Variants in CGGBP1 observed in about 807,000 individuals in gnomAD.
The protein encoded by CGGBP1 is CGG triplet repeat-binding protein 1.
Under a neutral mutation model 11.4 loss-of-function variants are expected in CGGBP1, and 4 were observed. The observed-to-expected ratio is 0.35, with a 90% CI of 0.17 to 0.80. The LOEUF is 0.80. CGGBP1 is among the 30% of genes least tolerant of loss of function. The probability of loss-of-function intolerance (pLI) is 0.52; values close to 1 mark genes in which losing one functional copy is unlikely to be tolerated. For synonymous variants in CGGBP1, 76 were observed against 74.1 expected, an observed-to-expected ratio of 1.03 and a Z score of -0.13; for missense variants, 135 against 202.1, an observed-to-expected ratio of 0.67 and a Z score of 2.01.
chr3:88,052,492 GT>G lies in CGGBP1; in HGVS notation c.*2980del, dbSNP rs1190269928. The G allele has an allele frequency of 6.6e-6, 1 of 152,542 alleles. No individual in the cohort carries two copies. Among genetic ancestry groups the G allele is most frequent in the African/African-American group, 2.4e-5 (1 of 41,436 alleles). 9.4% of individuals were successfully genotyped at this position (152,542 alleles called of 1,614,324 possible). ...TGTTTTGGGCCATCTTAAGTTTTGTGTTTTCCATTAACATTCATGTGCAAAT... is the reference window on the plus strand; with the variant it reads ...TGTTTTGGGCCATCTTAAGTTTTGTGTTTCCATTAACATTCATGTGCAAAT... On this transcript the variant is annotated 3_prime_UTR_variant, in exon 4 of 4. Transcript: ENST00000482016.
At chr3:88,134,939 G>A (rs1352614439) in intron 2 of CGGBP1, 6 of 578,772 alleles carry the variant, frequency 1.0e-5, no homozygotes, top group Non-Finnish European at 1.6e-5. Context: ...GGGGGTGAAC[G>A]TAATACATAT....
intron 2 of CGGBP1, among the ~76,000 whole-genome samples, chr3:88,113,773 G>A (rs915476476): frequency 6.6e-6 from 1 of 151,406 alleles, no homozygotes; most frequent in African/African-American, 2.4e-5. Context: ...CCCCCTAGGG[G>A]TGAAGTGTCC....
chr3:88,064,149 A>C (rs1226023183), intron 2 of CGGBP1, among the ~76,000 whole-genome samples: 1 of 150,506 alleles, frequency 6.6e-6, no homozygotes, highest in Non-Finnish European at 1.5e-5. Context: ...AAAAAATAGC[A>C]GTCATGCCCT....
chr3:88,139,309 G>T, intron 2 of CGGBP1: 1 of 1,594,348 alleles, frequency 6.3e-7, no homozygotes, highest in Non-Finnish European at 8.5e-7. Flanking sequence ...AGGCATCGTT[G>T]TATGTTATGT....
chr3:88,149,783 G>C (rs1447341442), exon 1 of CGGBP1: 1 of 325,388 alleles, frequency 3.1e-6, no homozygotes, highest in East Asian at 6.3e-5. Flanking sequence ...CTCCCTTGCG[G>C]ATAGTCTATG....
intron 2 of CGGBP1, chr3:88,138,807 A>G (rs1706957266): frequency 2.4e-6 from 3 of 1,232,040 alleles, no homozygotes; most frequent in South Asian, 4.1e-5. Context: ...TTATAAAACA[A>G]TTGCACATTT....
chr3:88,108,161 A>G (rs1440419967), intron 2 of CGGBP1, among the ~76,000 whole-genome samples: 1 of 151,868 alleles, frequency 6.6e-6, no homozygotes, highest in Non-Finnish European at 1.5e-5. Context: ...ATGTAGGTAT[A>G]TGAATTCAGG....
At chr3:88,067,333 C>T (rs568745257) in intron 2 of CGGBP1, among the ~76,000 whole-genome samples, 13 of 152,320 alleles carry the variant, frequency 8.5e-5, no homozygotes, top group African/African-American at 3.1e-4. Context: ...ATTTAAGGTG[C>T]TTTTGCCTCA....
At chr3:88,061,456 A>G (rs1706879688), upstream of CGGBP1, among the ~76,000 whole-genome samples, 2 of 152,218 alleles carry the variant, frequency 1.3e-5, no homozygotes, top group South Asian at 2.1e-4. Flanking sequence ...TTAGACTGAC[A>G]TACTTTCATG....
chr3:88,101,385 T>C lies in CGGBP1; in HGVS notation c.-229+39585A>G, dbSNP rs539334353. ...AATGATATCATAGAATATGTAGTAT[T>C]TTGGATACTTTCACTTAGAGCAAGT... On this transcript the variant is annotated intron_variant, in intron 2 of 3. Transcript: ENST00000462901. Among the ~76,000 whole-genome samples the C allele has an allele frequency of 1.8e-4, 28 of 152,294 alleles. No homozygotes were observed. The South Asian group carries it at 5.6e-3, about 30-fold the overall frequency.
chr3:88,146,041 T>G (rs1002264241), intron 1 of CGGBP1, among the ~76,000 whole-genome samples: 4 of 152,200 alleles, frequency 2.6e-5, no homozygotes, highest in African/African-American at 9.7e-5. Flanking sequence ...GGATCAGTGA[T>G]TTCAAAGTCA....
chr3:88,134,432 T>A (rs952448043), intron 2 of CGGBP1, among the ~76,000 whole-genome samples: 6 of 152,084 alleles, frequency 3.9e-5, no homozygotes, highest in Admixed American at 3.9e-4. Flanking sequence ...ATATATCAGC[T>A]CTATCATATG....
upstream of CGGBP1, among the ~76,000 whole-genome samples, chr3:88,061,879 G>A (rs959050): frequency 0.78 from 119,139 of 152,048 alleles, 47,592 homozygotes; most frequent in South Asian, 0.91. Context: ...AGTTAACTAA[G>A]TACATGAATT....
intron 3 of CGGBP1, 25 bp downstream of exon 3, chr3:88,057,166 G>T (rs1196749848): frequency 6.6e-6 from 1 of 152,136 alleles, no homozygotes; most frequent in Non-Finnish European, 1.5e-5. Flanking sequence ...AATCAGAAAC[G>T]ATGGAGTATT....
In CGGBP1 at chr3:88,090,888, G is replaced by A. The variant is rs1193203751; in HGVS notation, c.-228-32665C>T. Among the ~76,000 whole-genome samples, 10 of 152,236 alleles carry A rather than the reference G, an allele frequency of 6.6e-5. 1 individual carries two copies. Among genetic ancestry groups the A allele is most frequent in the South Asian group, 6.2e-4 (3 of 4,828 alleles). ...GAAAAAAAAATTGCAAAAAGATTAC[G>A]TAATGTTTTAAGAAAGTTTACGAAT... On this transcript the variant is annotated intron_variant, in intron 2 of 3. Coordinates refer to the CGGBP1 transcript ENST00000462901.
At position 88,053,011 on chromosome 3, in the gene CGGBP1, T is replaced by C. The variant is rs543741048; in HGVS notation, c.*2462A>G. On this transcript the variant is annotated 3_prime_UTR_variant, in exon 4 of 4. Transcript: ENST00000482016. ...TATAAATGAAACATTACAAATCTTATGTTTATGCATACAACTTATAAAATA... is the reference window on the plus strand; with the variant it reads ...TATAAATGAAACATTACAAATCTTACGTTTATGCATACAACTTATAAAATA... 3 of 152,760 alleles carry C rather than the reference T, an allele frequency of 2.0e-5. No individual in the cohort carries two copies. The highest frequency in any genetic ancestry group is 7.2e-5 in the African/African-American group (3 of 41,584). 9.5% of individuals were successfully genotyped at this position (152,760 alleles called of 1,614,324 possible). A position where few individuals can be genotyped will look rare whatever the true frequency, so the allele number is the denominator to read the frequency against.
chr3:88,064,122 T>TTTTG (rs1460507274), intron 2 of CGGBP1, among the ~76,000 whole-genome samples: 1 of 151,764 alleles, frequency 6.6e-6, no homozygotes, highest in African/African-American at 2.4e-5. Flanking sequence ...TTTTTTTTTT[T>TTTTG]TGCCACAGCT....
chr3:88,125,898 C>A (rs1299344645), intron 2 of CGGBP1, among the ~76,000 whole-genome samples: 1 of 152,038 alleles, frequency 6.6e-6, no homozygotes, highest in Non-Finnish European at 1.5e-5. Flanking sequence ...ACACGTCATC[C>A]CTATTTGGGA....
intron 2 of CGGBP1, among the ~76,000 whole-genome samples, chr3:88,074,585 G>A (rs189210737): frequency 3.9e-5 from 6 of 152,066 alleles, no homozygotes; most frequent in Admixed American, 3.9e-4. Flanking sequence ...CAAGTGATCC[G>A]CCTGCCTCGG....
Sources: gnomAD v4.1 joint callset for allele counts (sites outside exome capture counted in the v4.1 genomes callset) on GRCh38, gnomAD v4.1.1 for gene constraint, MANE v1.5 for transcripts, NCBI Gene and HGNC (gene_info 2026-07-23, HGNC 2026-07-21) for gene names.